SUGCT: variants seen among roughly 807,000 people sequenced by gnomAD.
SUGCT encodes succinyl-CoA:glutarate CoA-transferase.
A neutral mutation model predicts 55.0 loss-of-function variants in SUGCT; 41 were observed. The ratio of observed to expected loss-of-function variants is 0.74; its 90% CI spans 0.58 to 0.97. The LOEUF (loss-of-function observed/expected upper bound fraction) is 0.97. SUGCT is among the 50% of genes least tolerant of loss of function. The pLI is 0.00. For synonymous variants in SUGCT, 187 were observed against 200.4 expected (o/e 0.93, Z 0.56); for missense variants, 568 against 547.8 (o/e 1.04, Z -0.37).
intron 12 of SUGCT, among the ~76,000 whole-genome samples, chr7:40,739,688 T>C (rs536818879): frequency 3.7e-4 from 57 of 152,326 alleles, no homozygotes; most frequent in African/African-American, 1.3e-3. Context: ...ATTGCATTTG[T>C]ACCTTTGTCA....
intron 7 of SUGCT, among the ~76,000 whole-genome samples, chr7:40,264,152 C>T (rs1397487135): frequency 6.6e-6 from 1 of 152,154 alleles, no homozygotes; most frequent in Admixed American, 6.5e-5. Context: ...GATCTCTAAA[C>T]AACTCGTGTA....
intron 12 of SUGCT, among the ~76,000 whole-genome samples, chr7:40,525,717 A>C (rs1793759374): frequency 6.6e-6 from 1 of 152,204 alleles, no homozygotes; most frequent in Non-Finnish European, 1.5e-5. Context: ...TTATAGAACT[A>C]AATAAAGGGA....
intron 12 of SUGCT, among the ~76,000 whole-genome samples, chr7:40,644,649 TTCATCAC>T (rs1800416942): frequency 6.6e-6 from 1 of 152,188 alleles, no homozygotes; most frequent in Non-Finnish European, 1.5e-5. Context: ...ATCTCTGGAT[TTCATCAC>T]TCTTAGAACT....
intron 11 of SUGCT, among the ~76,000 whole-genome samples, chr7:40,479,248 G>A (rs182056631): frequency 6.6e-5 from 10 of 152,212 alleles, no homozygotes; most frequent in African/African-American, 2.4e-4. Context: ...ATATAATCAT[G>A]TACCACATAA....
At chr7:40,442,878 C>T (rs892835122) in intron 9 of SUGCT, among the ~76,000 whole-genome samples, 3 of 152,116 alleles carry the variant, frequency 2.0e-5, no homozygotes, top group African/African-American at 7.2e-5. Context: ...CCCCTTCCCC[C>T]CACACCATGA....
At chr7:40,270,222 CCTTTCA>C (rs1156595827) in intron 7 of SUGCT, among the ~76,000 whole-genome samples, 2 of 150,154 alleles carry the variant, frequency 1.3e-5, no homozygotes, top group African/African-American at 4.9e-5. Flanking sequence ...TTTGGGTTGT[CCTTTCA>C]CTTTCTTGAT....
intron 13 of SUGCT, among the ~76,000 whole-genome samples, chr7:40,795,661 A>C (rs533848083): frequency 2.0e-4 from 31 of 152,166 alleles, no homozygotes; most frequent in Non-Finnish European, 3.7e-4. Flanking sequence ...TATTCTCTTG[A>C]AAATCATAGT....
the SUGCT span, among the ~76,000 whole-genome samples, chr7:40,883,752 T>C: frequency 6.6e-6 from 1 of 152,220 alleles, no homozygotes; most frequent in Non-Finnish European, 1.5e-5. Flanking sequence ...GTAAACATGC[T>C]TAACTTCCCA....
intron 9 of SUGCT, among the ~76,000 whole-genome samples, chr7:40,389,126 G>T (rs571056088): frequency 3.7e-4 from 57 of 152,216 alleles, no homozygotes; most frequent in Non-Finnish European, 6.6e-4. Context: ...GTTTTACAAA[G>T]ATTTCTTTGC....
intron 13 of SUGCT, among the ~76,000 whole-genome samples, chr7:40,812,479 A>C (rs1277174009): frequency 6.6e-6 from 1 of 151,686 alleles, no homozygotes. Context: ...AAATTTATTC[A>C]TTTTCTCTAG....
intron 13 of SUGCT, chr7:40,808,310 G>A (rs2302025): frequency 0.4 from 61,077 of 152,114 alleles, 13,039 homozygotes; most frequent in Middle Eastern, 0.57. Flanking sequence ...TCCCAGCAGC[G>A]GAAGCCTGGA....
At chr7:40,296,169 T>C (rs574400393) in intron 8 of SUGCT, among the ~76,000 whole-genome samples, 1 of 152,352 alleles carries the variant, frequency 6.6e-6, no homozygotes, top group East Asian at 1.9e-4. Context: ...TAGTGGAGAA[T>C]TTAAATGTAA....
chr7:41,018,673 T>C, the SUGCT span, among the ~76,000 whole-genome samples: 1 of 152,162 alleles, frequency 6.6e-6, no homozygotes, highest in Non-Finnish European at 1.5e-5. Context: ...TCAATCAAGG[T>C]GTCTATTCTC....
intron 8 of SUGCT, among the ~76,000 whole-genome samples, chr7:40,299,058 A>T (rs1361128527): frequency 6.6e-6 from 1 of 152,210 alleles, no homozygotes. Context: ...AACAGTGTTC[A>T]ATTTAAGCCT....
At chr7:40,798,070 C>G (rs1363605123) in intron 13 of SUGCT, among the ~76,000 whole-genome samples, 1 of 152,182 alleles carries the variant, frequency 6.6e-6, no homozygotes, top group Admixed American at 6.5e-5. Flanking sequence ...ATTCAAGATT[C>G]AGCAACTCTG....
intron 12 of SUGCT, among the ~76,000 whole-genome samples, chr7:40,598,933 A>G (rs1336038215): frequency 6.6e-6 from 1 of 152,176 alleles, no homozygotes; most frequent in Non-Finnish European, 1.5e-5. Context: ...TCTTAATAAG[A>G]GCATCTCTCT....
chr7:40,375,370 T>C (rs952235886), intron 9 of SUGCT, among the ~76,000 whole-genome samples: 3 of 152,222 alleles, frequency 2.0e-5, no homozygotes, highest in African/African-American at 7.2e-5. Flanking sequence ...TTGGAAACTT[T>C]GAGTGGGAAG....
At chr7:40,901,674 A>G in the SUGCT span, among the ~76,000 whole-genome samples, 10 of 152,232 alleles carry the variant, frequency 6.6e-5, no homozygotes, top group African/African-American at 1.2e-4. Flanking sequence ...AAAGCAAAGG[A>G]TGCCAGGCAA....
chr7:40,404,869 A>G (rs1786273754), intron 9 of SUGCT, among the ~76,000 whole-genome samples: 1 of 152,220 alleles, frequency 6.6e-6, no homozygotes, highest in Non-Finnish European at 1.5e-5. Flanking sequence ...ATTCTCTGAC[A>G]GGTTCTTAAT....
Sources: gnomAD v4.1 joint callset for allele counts (sites outside exome capture counted in the v4.1 genomes callset) on GRCh38, gnomAD v4.1.1 for gene constraint, MANE v1.5 for transcripts, NCBI Gene and HGNC (gene_info 2026-07-23, HGNC 2026-07-21) for gene names.